The following MTUS1 variants were observed in gnomAD, a reference collection of about 807,000 sequenced individuals.
MTUS1 encodes the protein microtubule-associated tumor suppressor 1.
A neutral mutation model predicts 120.8 loss-of-function variants in MTUS1; 109 were observed. That is an observed-to-expected ratio of 0.90 (90% confidence interval 0.77 to 1.06). MTUS1 has a LOEUF of 1.06. Ranked by LOEUF, MTUS1 falls within the 50% of genes least tolerant of loss-of-function variation. MTUS1 has a pLI of 0.00. For synonymous variants in MTUS1, 737 were observed against 550.5 expected (o/e 1.34, Z -4.74); for missense variants, 2,210 against 1,486.3 (o/e 1.49, Z -8.01).
At position 17,730,647 on chromosome 8, in the gene MTUS1, A is replaced by G. The variant is rs564967912; in HGVS notation, c.2288-6814T>C. On this transcript the variant is annotated intron_variant, in intron 3 of 14. Transcript: ENST00000693296. ...TGGTACAGATATACCACGGAATACT[A>G]TTCTGCCTTAAAAAGGAAGTTGACA... is the stretch of plus-strand genomic sequence containing the variant. Among the ~76,000 whole-genome samples, 3 of 152,314 alleles carry G rather than the reference A, an allele frequency of 2.0e-5. No homozygotes were observed. In the South Asian group the frequency reaches 6.2e-4, roughly 32 times the overall value.
At chr8:17,781,707 A>C (rs1394216251) in intron 1 of MTUS1, among the ~76,000 whole-genome samples, 2 of 152,272 alleles carry the variant, frequency 1.3e-5, no homozygotes, top group South Asian at 4.1e-4. Flanking sequence ...CTGTCTTTAG[A>C]CAGCACCCCT....
chr8:17,688,972 G>T (rs1441417934), intron 6 of MTUS1, among the ~76,000 whole-genome samples: 1 of 152,146 alleles, frequency 6.6e-6, no homozygotes, highest in Non-Finnish European at 1.5e-5. Context: ...AACATTTTGG[G>T]AGGCCAAGGC....
chr8:17,711,877 G>T (rs1367299226), intron 6 of MTUS1, among the ~76,000 whole-genome samples: 1 of 152,132 alleles, frequency 6.6e-6, no homozygotes, highest in African/African-American at 2.4e-5. Flanking sequence ...GTGTCTCAGG[G>T]AATAAGGAAG....
In MTUS1 at chr8:17,754,739, A is replaced by C. The variant is rs778946312; in HGVS notation, c.1069T>G (p.Phe357Val). The C allele has an allele frequency of 6.2e-7, 1 of 1,614,240 alleles. No homozygotes were observed. Residue 357 changes from phenylalanine (F) to valine (V), a missense_variant, in exon 2 of 15, where the codon TTT becomes GTT. Coordinates refer to ENST00000693296, the MANE Select transcript of MTUS1 (RefSeq NM_001363059.2). ...DDECPLMVPA[F>V]DKSEAQVLNP... ...AGCACTTGAGCTTCGCTCTTATCAA[A>C]AGCTGGCACCATTAAAGGGCATTCA...
intron 14 of MTUS1, 101 bp downstream of exon 14, chr8:17,646,881 T>C: frequency 1.3e-6 from 1 of 783,790 alleles, no homozygotes; most frequent in Non-Finnish European, 2.2e-6. Flanking sequence ...TCTGCTTCCA[T>C]CATATTTCCA....
intron 1 of MTUS1, among the ~76,000 whole-genome samples, chr8:17,798,270 A>AG (rs1280067545): frequency 2.0e-5 from 3 of 152,200 alleles, no homozygotes; most frequent in Non-Finnish European, 4.4e-5. Context: ...GTTTTGCAAC[A>AG]GTCTCTAACC....
At chr8:17,674,328 G>T (rs1000444816) in intron 8 of MTUS1, 5 of 275,194 alleles carry the variant, frequency 1.8e-5, no homozygotes, top group Non-Finnish European at 2.8e-5. Flanking sequence ...GCTGAGGCAG[G>T]AGAATTGCTT....
At position 17,743,810 on chromosome 8, in the gene MTUS1, A is replaced by T; in HGVS notation, c.2092-11T>A. The T allele has an allele frequency of 6.2e-7, 1 of 1,612,348 alleles. No individual in the cohort carries two copies. Among genetic ancestry groups the T allele is most frequent in the Non-Finnish European group, 8.5e-7 (1 of 1,179,090 alleles). On this transcript the variant is annotated splice_polypyrimidine_tract_variant and intron_variant, in intron 2 of 14. Coordinates refer to ENST00000693296, the MANE Select transcript of MTUS1 (RefSeq NM_001363059.2). ...TTTTGAAGCAGAGCCCTGTGAAAAT[A>T]ACAGTTAAGACTGTAAACCAAAACT...
chr8:17,661,265 C>T (rs542170012), intron 8 of MTUS1, among the ~76,000 whole-genome samples: 1 of 152,314 alleles, frequency 6.6e-6, no homozygotes, highest in East Asian at 1.9e-4. Context: ...TATCAAATAG[C>T]TTCTAGTCAG....
intron 6 of MTUS1, among the ~76,000 whole-genome samples, chr8:17,709,923 C>T (rs939589997): frequency 2.0e-5 from 3 of 151,672 alleles, no homozygotes; most frequent in Non-Finnish European, 4.4e-5. Context: ...AGGAGAATGG[C>T]GTGAACCCGG....
chr8:17,752,945 A>G (rs528260261), intron 2 of MTUS1, among the ~76,000 whole-genome samples: 1 of 152,278 alleles, frequency 6.6e-6, no homozygotes, highest in South Asian at 2.1e-4. Flanking sequence ...ATTCTCAAAA[A>G]CACATGCATG....
chr8:17,739,628 C>G (rs1212059156), intron 3 of MTUS1, among the ~76,000 whole-genome samples: 1 of 152,154 alleles, frequency 6.6e-6, no homozygotes, highest in Non-Finnish European at 1.5e-5. Context: ...CACTTTCCAG[C>G]TGTTTAACAT....
At position 17,738,194 on chromosome 8, in the gene MTUS1, G is replaced by A. The variant is rs62499718; in HGVS notation, c.2287+5410C>T. ...GAAAACCAAAAACCATCTCTTTCAG[G>A]AGGCCTTTCTTCACCGACCCACCCC... On this transcript the variant is annotated intron_variant, in intron 3 of 14. Coordinates refer to ENST00000693296, the MANE Select transcript of MTUS1 (RefSeq NM_001363059.2). Among the ~76,000 whole-genome samples the A allele has an allele frequency of 4.1e-3, 619 of 152,252 alleles. 4 individuals are homozygous for A. Among genetic ancestry groups the A allele is most frequent in the Admixed American group, 8.0e-3 (123 of 15,300 alleles).
intron 1 of MTUS1, among the ~76,000 whole-genome samples, chr8:17,761,840 A>C (rs928900897): frequency 6.6e-6 from 1 of 152,242 alleles, no homozygotes; most frequent in South Asian, 2.1e-4. Flanking sequence ...AGTCTTCTTA[A>C]AAGTTTTTAA....
chr8:17,763,658 G>A (rs2049226885), intron 1 of MTUS1, among the ~76,000 whole-genome samples: 1 of 152,148 alleles, frequency 6.6e-6, no homozygotes, highest in African/African-American at 2.4e-5. Flanking sequence ...GAGGCACTAA[G>A]GCAACAGGAT....
In MTUS1 at chr8:17,767,700, T is replaced by TAAGAAAAAAAAA. The variant is rs1554533204; in HGVS notation, c.-154-11740_-154-11739insTTTTTTTTTCTT. Among the ~76,000 whole-genome samples the TAAGAAAAAAAAA allele has an allele frequency of 4.3e-4, 38 of 87,872 alleles. 1 individual carries two copies. The highest frequency in any genetic ancestry group is 1.8e-3 in the African/African-American group (36 of 19,662). The allele number at this position is 87,872 out of a possible 152,430, so 57.6% of individuals were successfully genotyped here. ...GGTGATAGAGCAAGACCCTGTCTCT[T>TAAGAAAAAAAAA]AAAAAAAAAAAAAAAAAACGGTGTG... On this transcript the variant is annotated intron_variant, in intron 1 of 14. Transcript: ENST00000693296.
intron 6 of MTUS1, among the ~76,000 whole-genome samples, chr8:17,686,005 C>G (rs150652489): frequency 6.6e-6 from 1 of 152,168 alleles, no homozygotes; most frequent in Non-Finnish European, 1.5e-5. Context: ...AATATTTGAC[C>G]ATGAGATTAG....
At chr8:17,697,291 TGAAG>T (rs1818163176) in intron 6 of MTUS1, 1 of 1,613,996 alleles carries the variant, frequency 6.2e-7, no homozygotes, top group African/African-American at 1.3e-5. Context: ...TCCTAAACCC[TGAAG>T]GAAGTCGAAG....
chr8:17,793,236 A>C (rs1448916656), intron 1 of MTUS1, among the ~76,000 whole-genome samples: 1 of 152,140 alleles, frequency 6.6e-6, no homozygotes, highest in African/African-American at 2.4e-5. Context: ...GACTCTTCAT[A>C]ATAAAACAGT....
Sources: gnomAD v4.1 joint callset for allele counts (sites outside exome capture counted in the v4.1 genomes callset) on GRCh38, gnomAD v4.1.1 for gene constraint, MANE v1.5 for transcripts, NCBI Gene and HGNC (gene_info 2026-07-23, HGNC 2026-07-21) for gene names.